Variants in FGF14 observed in about 807,000 individuals in gnomAD.
FGF14 encodes fibroblast growth factor homologous factor 4.
FGF14 carries 5 observed loss-of-function variants against 25.5 expected under a neutral mutation model. That is an observed-to-expected ratio of 0.20 (90% confidence interval 0.10 to 0.41). The LOEUF (loss-of-function observed/expected upper bound fraction) is 0.41, where lower values mean the gene tolerates loss of function less well. Ranked by LOEUF, FGF14 falls within the 10% of genes least tolerant of loss-of-function variation. FGF14 has a pLI of 1.00. For missense variants in FGF14, 222 were observed against 320.1 expected, an observed-to-expected ratio of 0.69 and a Z score of 2.34; for synonymous variants, 138 against 118.3, an observed-to-expected ratio of 1.17 and a Z score of -1.08.
At chr13:101,903,541 C>A (rs1451312831) in intron 1 of FGF14, among the ~76,000 whole-genome samples, 3 of 150,982 alleles carry the variant, frequency 2.0e-5, no homozygotes, top group Non-Finnish European at 4.4e-5. Flanking sequence ...CTTGGGTAGG[C>A]TTTTTTTTTC....
chr13:102,153,845 G>C (rs757544109), intron 1 of FGF14, among the ~76,000 whole-genome samples: 1 of 152,088 alleles, frequency 6.6e-6, no homozygotes, highest in Non-Finnish European at 1.5e-5. Context: ...CAGATGCAAT[G>C]AAAATAATAT....
intron 3 of FGF14, among the ~76,000 whole-genome samples, chr13:101,778,560 T>C (rs914178397): frequency 6.6e-5 from 10 of 152,174 alleles, no homozygotes; most frequent in Non-Finnish European, 7.3e-5. Flanking sequence ...TGCTTTTACC[T>C]ATGCTATGGT....
chr13:101,801,011 A>G (rs1282963546), intron 3 of FGF14, among the ~76,000 whole-genome samples: 1 of 152,194 alleles, frequency 6.6e-6, no homozygotes, highest in Non-Finnish European at 1.5e-5. Context: ...CTTTAAAAGG[A>G]ATATCAAAAC....
At chr13:102,224,722 T>G (rs1203231611) in intron 1 of FGF14, among the ~76,000 whole-genome samples, 1 of 152,222 alleles carries the variant, frequency 6.6e-6, no homozygotes, top group Non-Finnish European at 1.5e-5. Context: ...TACTACATAA[T>G]GTATTTCCAT....
At chr13:101,961,368 C>G (rs4772428) in intron 1 of FGF14, among the ~76,000 whole-genome samples, 15,944 of 152,042 alleles carry the variant, frequency 0.1, 964 homozygotes, top group Admixed American at 0.2. Flanking sequence ...TTTTGTAATA[C>G]ATGTAAGGAA....
At chr13:101,936,037 A>AT (rs2139278468) in intron 1 of FGF14, among the ~76,000 whole-genome samples, 1 of 152,326 alleles carries the variant, frequency 6.6e-6, no homozygotes, top group South Asian at 2.1e-4. Context: ...GGTCTTAAAC[A>AT]TCCCATATAA....
At chr13:102,281,122 T>C (rs2053812580) in intron 1 of FGF14, among the ~76,000 whole-genome samples, 1 of 152,184 alleles carries the variant, frequency 6.6e-6, no homozygotes. Flanking sequence ...AGGCCAAACA[T>C]AAAATAATTT....
At chr13:102,154,497 A>G (rs866737562) in intron 1 of FGF14, among the ~76,000 whole-genome samples, 1 of 152,220 alleles carries the variant, frequency 6.6e-6, no homozygotes, top group Non-Finnish European at 1.5e-5. Context: ...GGCCTGCCCT[A>G]AAAGAGCTCC....
chr13:102,003,383 A>G (rs2139750132), intron 1 of FGF14: 1 of 152,232 alleles, frequency 6.6e-6, no homozygotes, highest in Non-Finnish European at 1.5e-5. Context: ...AAAAAGATTC[A>G]CTTGAGGGAC....
At chr13:101,807,090 A>G (rs1422726250) in intron 3 of FGF14, among the ~76,000 whole-genome samples, 6 of 152,180 alleles carry the variant, frequency 3.9e-5, no homozygotes, top group Admixed American at 3.9e-4. Flanking sequence ...GAAAGAAAAC[A>G]AGAATACAAT....
chr13:102,248,377 CTAAAA>C (rs1473341731), intron 1 of FGF14, among the ~76,000 whole-genome samples: 1 of 152,008 alleles, frequency 6.6e-6, no homozygotes, highest in Non-Finnish European at 1.5e-5. Context: ...TCTTTACCAA[CTAAAA>C]TAAAATGAGG....
intron 1 of FGF14, among the ~76,000 whole-genome samples, chr13:102,132,493 G>T (rs1005615177): frequency 2.0e-5 from 3 of 148,550 alleles, no homozygotes; most frequent in Admixed American, 1.4e-4. Flanking sequence ...CTCTTAAAAG[G>T]CATACTTTTC....
At chr13:102,179,341 C>T (rs1357770953) in intron 1 of FGF14, among the ~76,000 whole-genome samples, 6 of 152,088 alleles carry the variant, frequency 3.9e-5, no homozygotes, top group South Asian at 4.2e-4. Flanking sequence ...TCAGTCACTT[C>T]GTTCACTCCT....
At chr13:102,155,069 C>G (rs1344459788) in intron 1 of FGF14, among the ~76,000 whole-genome samples, 1 of 152,180 alleles carries the variant, frequency 6.6e-6, no homozygotes. Context: ...TAATGGGAGA[C>G]TTTAACACCC....
intron 1 of FGF14, among the ~76,000 whole-genome samples, chr13:102,273,039 A>T (rs2053329665): frequency 6.6e-6 from 1 of 152,202 alleles, no homozygotes; most frequent in African/African-American, 2.4e-5. Flanking sequence ...TCACGAAATA[A>T]ATAAAAACTA....
At chr13:101,751,561 A>G (rs1188216395) in intron 3 of FGF14, among the ~76,000 whole-genome samples, 3 of 152,270 alleles carry the variant, frequency 2.0e-5, no homozygotes, top group African/African-American at 7.2e-5. Flanking sequence ...CCACATTTAA[A>G]AGCCCAGGTT....
intron 1 of FGF14, among the ~76,000 whole-genome samples, chr13:102,015,682 C>T (rs2040302937): frequency 6.6e-6 from 1 of 152,062 alleles, no homozygotes; most frequent in Admixed American, 6.5e-5. Flanking sequence ...GGGGTCAAGG[C>T]CTGGAGGATA....
intron 1 of FGF14, chr13:102,017,191 A>G: frequency 3.5e-6 from 1 of 287,494 alleles, no homozygotes; most frequent in Non-Finnish European, 6.7e-6. Context: ...TGTATTCTCC[A>G]GTTTTACTTG....
chr13:102,141,676 C>T (rs1035647011), intron 1 of FGF14, among the ~76,000 whole-genome samples: 3 of 152,068 alleles, frequency 2.0e-5, no homozygotes, highest in African/African-American at 7.2e-5. Context: ...ATATTAAGCT[C>T]AATTACATAG....
Sources: gnomAD v4.1 joint callset for allele counts (sites outside exome capture counted in the v4.1 genomes callset) on GRCh38, gnomAD v4.1.1 for gene constraint, MANE v1.5 for transcripts, NCBI Gene and HGNC (gene_info 2026-07-23, HGNC 2026-07-21) for gene names.